GLIS3: variants seen among roughly 807,000 people sequenced by gnomAD.
GLIS3 encodes GLIS family zinc finger 3.
In GLIS3, 53 loss-of-function variants were observed where a neutral mutation model predicts 78.6. That is an observed-to-expected ratio of 0.67 (90% CI 0.54 to 0.85). The LOEUF is 0.85. Ranked by LOEUF, GLIS3 falls within the 40% of genes least tolerant of loss-of-function variation. The pLI, the probability that GLIS3 is intolerant of heterozygous loss-of-function variation, is 0.00. For missense variants in GLIS3, 1,703 were observed against 1,231.1 expected (o/e 1.38, Z -5.74); for synonymous variants, 684 against 509.9 (o/e 1.34, Z -4.60).
intron 7 of GLIS3, among the ~76,000 whole-genome samples, chr9:3,890,815 G>T (rs759573398): frequency 6.6e-6 from 1 of 152,054 alleles, no homozygotes; most frequent in Non-Finnish European, 1.5e-5. Flanking sequence ...CCAAACCCTA[G>T]TAACCATCAA....
chr9:3,900,477 G>T (rs1283060459), intron 6 of GLIS3, among the ~76,000 whole-genome samples: 6 of 22,394 alleles, frequency 2.7e-4, no homozygotes, highest in African/African-American at 6.4e-4. Flanking sequence ...TGTTAAAGAA[G>T]ATTTGTACCC....
At chr9:3,981,561 A>C (rs1792162994) in intron 4 of GLIS3, among the ~76,000 whole-genome samples, 1 of 152,274 alleles carries the variant, frequency 6.6e-6, no homozygotes, top group Non-Finnish European at 1.5e-5. Flanking sequence ...GTCCTAGACC[A>C]TAAACTTAGA....
the GLIS3 span, among the ~76,000 whole-genome samples, chr9:4,374,636 G>A: frequency 6.6e-6 from 1 of 152,208 alleles, no homozygotes; most frequent in Non-Finnish European, 1.5e-5. Context: ...GTCAATCAGG[G>A]CATCTTGTCT....
chr9:4,488,140 G>C, the GLIS3 span, among the ~76,000 whole-genome samples: 3 of 149,894 alleles, frequency 2.0e-5, no homozygotes, highest in Non-Finnish European at 4.4e-5. Context: ...TTTTTGTAGA[G>C]ACAGTGGTCT....
the GLIS3 span, among the ~76,000 whole-genome samples, chr9:4,422,701 G>T: frequency 6.6e-6 from 1 of 152,224 alleles, no homozygotes; most frequent in Non-Finnish European, 1.5e-5. Context: ...CTCAGTTAGA[G>T]ATCAGAGCCC....
At chr9:3,948,968 A>G (rs937845549) in intron 4 of GLIS3, among the ~76,000 whole-genome samples, 1 of 152,220 alleles carries the variant, frequency 6.6e-6, no homozygotes, top group Admixed American at 6.5e-5. Context: ...TTTTACAAGT[A>G]AAGGAAATTG....
At chr9:4,479,742 G>C in the GLIS3 span, among the ~76,000 whole-genome samples, 1,378 of 152,124 alleles carry the variant, frequency 9.1e-3, 17 homozygotes, top group African/African-American at 0.031. Context: ...CTGGGAGGCA[G>C]ACCCCTATCT....
intron 6 of GLIS3, among the ~76,000 whole-genome samples, chr9:3,930,754 C>T (rs975087960): frequency 1.3e-5 from 2 of 152,176 alleles, no homozygotes; most frequent in Non-Finnish European, 2.9e-5. Context: ...TTTACTATTA[C>T]AATAAAACCT....
chr9:3,955,651 T>C (rs1817051413), intron 4 of GLIS3, among the ~76,000 whole-genome samples: 1 of 152,134 alleles, frequency 6.6e-6, no homozygotes, highest in South Asian at 2.1e-4. Context: ...TCTTACCAAA[T>C]AGGGTTGTAA....
chr9:4,373,335 G>C, the GLIS3 span, among the ~76,000 whole-genome samples: 1 of 152,144 alleles, frequency 6.6e-6, no homozygotes, highest in East Asian at 1.9e-4. Context: ...GAATCACCTG[G>C]GGGAAATTGG....
the GLIS3 span, among the ~76,000 whole-genome samples, chr9:4,446,513 T>C: frequency 6.8e-6 from 1 of 147,866 alleles, no homozygotes; most frequent in Non-Finnish European, 1.5e-5. Flanking sequence ...AATTTTTTTT[T>C]TTTTTTTTTT....
chr9:4,273,324 G>A (rs893976257), intron 2 of GLIS3, among the ~76,000 whole-genome samples: 22 of 152,284 alleles, frequency 1.4e-4, no homozygotes, highest in African/African-American at 4.3e-4. Flanking sequence ...ACCAAGCACG[G>A]TGGCTCATGT....
chr9:3,852,322 A>C (rs1819485258), intron 9 of GLIS3, among the ~76,000 whole-genome samples: 2 of 152,198 alleles, frequency 1.3e-5, no homozygotes, highest in African/African-American at 4.8e-5. Flanking sequence ...CAGGGAGTAT[A>C]GAAGAAATGG....
chr9:4,222,850 G>A (rs2093320), intron 2 of GLIS3, among the ~76,000 whole-genome samples: 2 of 152,180 alleles, frequency 1.3e-5, no homozygotes, highest in African/African-American at 4.8e-5. Flanking sequence ...TAAGATTCTA[G>A]CATTCCATTT....
chr9:4,047,677 T>C (rs1825364890), intron 4 of GLIS3, among the ~76,000 whole-genome samples: 4 of 152,112 alleles, frequency 2.6e-5, no homozygotes, highest in Admixed American at 2.6e-4. Context: ...AAAACTGTAA[T>C]ATAACGATGT....
chr9:3,977,321 G>A lies in GLIS3; in HGVS notation c.1711-40132C>T, dbSNP rs1818883880. Reference sequence around the variant, plus strand: ...GAGAGGAAAGCTCTTGGCTCTATCAGCCTTGCCATCTCTTTGTAGCAGAAT... The same window carrying A: ...GAGAGGAAAGCTCTTGGCTCTATCAACCTTGCCATCTCTTTGTAGCAGAAT... On this transcript the variant is annotated intron_variant, in intron 4 of 10. Transcript: ENST00000381971. This position sits in a 1 kb window ranked among gnomAD's most constrained non-coding sequence, Gnocchi z 4.1. 6.6e-6 allele frequency among the ~76,000 whole-genome samples: 1 copy of A among 152,184 alleles called. No individual in the cohort carries two copies. The highest frequency in any genetic ancestry group is 1.5e-5 in the Non-Finnish European group (1 of 68,038).
chr9:4,337,222 A>G (rs1436961029), intron 2 of GLIS3, among the ~76,000 whole-genome samples: 1 of 152,238 alleles, frequency 6.6e-6, no homozygotes, highest in African/African-American at 2.4e-5. Context: ...CACAGTCCTG[A>G]GGAAATAATC....
At chr9:4,241,703 G>T (rs1338955530) in intron 2 of GLIS3, among the ~76,000 whole-genome samples, 1 of 151,940 alleles carries the variant, frequency 6.6e-6, no homozygotes, top group African/African-American at 2.4e-5. Flanking sequence ...TTGAGATACA[G>T]TCTTGCTCTG....
the GLIS3 span, among the ~76,000 whole-genome samples, chr9:4,367,448 T>A: frequency 6.6e-6 from 1 of 151,868 alleles, no homozygotes; most frequent in Admixed American, 6.6e-5. Flanking sequence ...TCCTGCTTGA[T>A]CCCCCTGGGC....
Sources: allele counts gnomAD v4.1 joint callset (sites outside exome capture counted in the v4.1 genomes callset), GRCh38; gene constraint gnomAD v4.1.1; non-coding constraint Gnocchi (gnomAD v3.1); transcripts MANE v1.5; gene names NCBI Gene and HGNC (gene_info 2026-07-23, HGNC 2026-07-21).